ANKRD62: variants seen among roughly 807,000 people sequenced by gnomAD.
ANKRD62 encodes the protein ankyrin repeat domain 62.
A neutral mutation model predicts 98.8 loss-of-function variants in ANKRD62; 61 were observed. The ratio of observed to expected loss-of-function variants is 0.62; its 90% confidence interval spans 0.50 to 0.76. The LOEUF (loss-of-function observed/expected upper bound fraction) is 0.76. Among genes scored for constraint, ANKRD62 ranks in the 30% least tolerant of loss-of-function variants. The pLI, the probability that ANKRD62 is intolerant of heterozygous loss-of-function variation, is 0.00. For synonymous variants in ANKRD62, 341 were observed against 367.9 expected, an observed-to-expected ratio of 0.93 and a Z score of 0.84; for missense variants, 933 against 1,082.9, an observed-to-expected ratio of 0.86 and a Z score of 1.94.
In ANKRD62 at chr18:12,094,194, G is replaced by T; in HGVS notation, c.177G>T (p.Leu59Phe). The change falls in exon 1 of 14, where the codon TTG becomes TTT. Residue 59 changes from leucine (L) to phenylalanine (F), a missense_variant. By Grantham distance (22) the Leu-to-Phe change is conservative. Transcript: ENST00000587848. ...GDVNKVMESI[L>F]LRLNDLNDRD... ...TGAACAAGGTGATGGAGAGCATCTT[G>T]CTCAGGCTGAATGACTTGAACGACA... 2.6e-6 allele frequency: 4 copies of T among 1,531,388 alleles called. No homozygotes were observed. The highest frequency in any genetic ancestry group is 1.4e-5 in the African/African-American group (1 of 71,182). 94.9% of individuals were successfully genotyped at this position (1,531,388 alleles called of 1,614,324 possible). A position where few individuals can be genotyped will look rare whatever the true frequency, so the allele number is the denominator to read the frequency against.
rs1363910128 is a variant in ANKRD62 at position 12,122,460 on chromosome 18, C to T, written c.1398C>T (p.Thr466=). 14 of 1,534,312 alleles carry T rather than the reference C, an allele frequency of 9.1e-6. No individual in the cohort carries two copies. The East Asian group carries it at 3.2e-4, about 35-fold the overall frequency. ...AGGTACTATCTGAAACAGACAAAACCAAATCACAGTCAGAGCATCAGAATC... is the reference window on the plus strand; with the variant it reads ...AGGTACTATCTGAAACAGACAAAACTAAATCACAGTCAGAGCATCAGAATC... The part of the protein sequence containing the change: ...LQKVLSETDK[T]KSQSEHQNLQ... Residue 466 remains threonine, a synonymous_variant, in exon 11 of 14, where the codon ACC becomes ACT. Transcript: ENST00000587848.
In ANKRD62 at chr18:12,115,418, A is replaced by T; in HGVS notation, c.1124A>T (p.Asp375Val). ...SKVKSQIYFT[D>V]DLNDISGSSE... ...GTTAAAAGCCAAATATATTTCACGG[A>T]TGACCTTAATGACATAAGTGGGTCA... Residue 375 changes from aspartate (D) to valine (V), a missense_variant, in exon 10 of 14, where the codon GAT (aspartate) becomes GTT (valine). Transcript: ENST00000587848. 6.5e-7 allele frequency: 1 copy of T among 1,535,638 alleles called. No homozygotes were observed. Among genetic ancestry groups the T allele is most frequent in the Non-Finnish European group, 8.7e-7 (1 of 1,146,118 alleles).
At chr18:12,112,248 G>A (rs1328592317) in intron 8 of ANKRD62, among the ~76,000 whole-genome samples, 1 of 152,084 alleles carries the variant, frequency 6.6e-6, no homozygotes, top group African/African-American at 2.4e-5. Flanking sequence ...CCAGAAAAGG[G>A]TGTGAATAGC....
the ANKRD62 span, among the ~76,000 whole-genome samples, chr18:12,153,938 C>T: frequency 1.3e-5 from 2 of 152,120 alleles, no homozygotes; most frequent in South Asian, 4.1e-4. Flanking sequence ...TTTTTTACAC[C>T]ATACATACAA....
downstream of ANKRD62, among the ~76,000 whole-genome samples, chr18:12,132,879 T>C (rs1431360461): frequency 6.6e-6 from 1 of 152,184 alleles, no homozygotes; most frequent in Non-Finnish European, 1.5e-5. Flanking sequence ...TTTAAAATGC[T>C]CTAAACTTTG....
At chr18:12,094,668 TGGGGAGTGG>T (rs1909137117) in intron 1 of ANKRD62, among the ~76,000 whole-genome samples, 1 of 19,026 alleles carries the variant, frequency 5.3e-5, no homozygotes. Context: ...GGGACTGTGG[TGGGGAGTGG>T]CTGGGGGCGT....
chr18:12,102,089 G>T, intron 6 of ANKRD62: 1 of 1,367,672 alleles, frequency 7.3e-7, no homozygotes, highest in Non-Finnish European at 1.0e-6. Context: ...AGTGCCAGAA[G>T]CTCTGCCTTG....
intron 4 of ANKRD62, among the ~76,000 whole-genome samples, 184 bp from the exon 5 acceptor site, chr18:12,097,456 G>A (rs1181613482): frequency 1.3e-5 from 2 of 152,110 alleles, no homozygotes; most frequent in Non-Finnish European, 2.9e-5. Context: ...TGTTCCTTCT[G>A]TTTGGCTTTG....
At chr18:12,145,239 G>T in the ANKRD62 span, among the ~76,000 whole-genome samples, 6 of 152,156 alleles carry the variant, frequency 3.9e-5, no homozygotes, top group Non-Finnish European at 8.8e-5. Context: ...AAAGATGTTG[G>T]CCTGCCTCTC....
chr18:12,137,251 G>A, the ANKRD62 span, among the ~76,000 whole-genome samples: 1 of 152,238 alleles, frequency 6.6e-6, no homozygotes, highest in Admixed American at 6.5e-5. Flanking sequence ...AGAATTTTTA[G>A]CATGAAGGGT....
chr18:12,109,114 C>A (rs185599457), intron 8 of ANKRD62, among the ~76,000 whole-genome samples: 4 of 152,338 alleles, frequency 2.6e-5, no homozygotes, highest in East Asian at 1.9e-4. Context: ...CGAAGCAGTG[C>A]CCCATTGGCA....
At chr18:12,119,774 AT>A (rs1160623084) in intron 10 of ANKRD62, among the ~76,000 whole-genome samples, 2 of 151,170 alleles carry the variant, frequency 1.3e-5, no homozygotes, top group African/African-American at 2.4e-5. Context: ...ATTTATTTTC[AT>A]TTTCTTAAGG....
downstream of ANKRD62, among the ~76,000 whole-genome samples, chr18:12,131,099 C>T (rs1321563717): frequency 2.6e-5 from 4 of 152,164 alleles, no homozygotes; most frequent in Non-Finnish European, 2.9e-5. Context: ...TGGTATCATG[C>T]GGGTGCTCAA....
chr18:12,134,739 G>A (rs1334644009), downstream of ANKRD62, among the ~76,000 whole-genome samples: 1 of 152,122 alleles, frequency 6.6e-6, no homozygotes, highest in African/African-American at 2.4e-5. Flanking sequence ...ATTCCATGGT[G>A]TATATGTGCC....
intron 13 of ANKRD62, among the ~76,000 whole-genome samples, chr18:12,127,212 G>T (rs1407483717): frequency 1.3e-5 from 2 of 152,182 alleles, no homozygotes; most frequent in Non-Finnish European, 2.9e-5. Flanking sequence ...GACTAATGAG[G>T]GGTGGTAGGA....
chr18:12,136,357 T>C, the ANKRD62 span, among the ~76,000 whole-genome samples: 1 of 152,164 alleles, frequency 6.6e-6, no homozygotes, highest in Admixed American at 6.5e-5. Context: ...TAGTTGTAGA[T>C]ATGTGGCATT....
the ANKRD62 span, among the ~76,000 whole-genome samples, chr18:12,146,570 C>T: frequency 2.0e-5 from 3 of 152,170 alleles, no homozygotes; most frequent in Non-Finnish European, 2.9e-5. Flanking sequence ...CTCAGCCTTC[C>T]GAGCAGCTGG....
rs1909749314 is a variant in ANKRD62 at position 12,119,892 on chromosome 18, A to G, written c.1241-2411A>G. Among the ~76,000 whole-genome samples the G allele has an allele frequency of 2.0e-5, 3 of 151,750 alleles. No individual in the cohort carries two copies. The South Asian group carries it at 6.2e-4, about 32-fold the overall frequency. ...TGCATTCTACCAACCTCAATATGTT[A>G]TTTTTTCATTTTTATTCAGTTCAAA... is the stretch of plus-strand genomic sequence containing the variant. On this transcript the variant is annotated intron_variant, in intron 10 of 13. Coordinates refer to ENST00000587848, the MANE Select transcript of ANKRD62 (RefSeq NM_001277333.2).
intron 4 of ANKRD62, among the ~76,000 whole-genome samples, chr18:12,096,919 A>C (rs1366110406): frequency 6.6e-6 from 1 of 152,098 alleles, no homozygotes; most frequent in East Asian, 1.9e-4. Flanking sequence ...GGGCAGAGGG[A>C]AAAAAGCTAG....
Sources: allele counts gnomAD v4.1 joint callset (sites outside exome capture counted in the v4.1 genomes callset), GRCh38; gene constraint gnomAD v4.1.1; transcripts MANE v1.5; gene names NCBI Gene and HGNC (gene_info 2026-07-23, HGNC 2026-07-21).